Variants in SFXN4 observed in about 807,000 individuals in gnomAD.
The protein encoded by SFXN4 is sideroflexin 4, also known as sideroflexin-4.
SFXN4 carries 48 observed loss-of-function variants against 54.6 expected under a neutral mutation model. The observed-to-expected ratio is 0.88, with a 90% CI of 0.70 to 1.12. The LOEUF (loss-of-function observed/expected upper bound fraction) is 1.12. Ranked by LOEUF, SFXN4 falls within the 50% of genes most tolerant of loss-of-function variation. The pLI is 0.00. For missense variants in SFXN4, 383 were observed against 409.2 expected, an observed-to-expected ratio of 0.94 and a Z score of 0.55; for synonymous variants, 130 against 145.5, an observed-to-expected ratio of 0.89 and a Z score of 0.77.
intron 11 of SFXN4, among the ~76,000 whole-genome samples, chr10:119,153,883 A>C (rs1564820860): frequency 6.6e-6 from 1 of 152,158 alleles, no homozygotes; most frequent in Admixed American, 6.5e-5. Context: ...TCACTTTAAG[A>C]AAAGCAGGTT....
chr10:119,147,174 C>T (rs1188701469), intron 12 of SFXN4, among the ~76,000 whole-genome samples: 2 of 152,170 alleles, frequency 1.3e-5, no homozygotes, highest in South Asian at 2.1e-4. Flanking sequence ...GACAGGGAGG[C>T]GCGCCCAGCA....
In SFXN4 at chr10:119,163,438, C is replaced by T. The variant is rs189812377; in HGVS notation, c.177+693G>A. Among the ~76,000 whole-genome samples the T allele has an allele frequency of 2.2e-4, 33 of 152,200 alleles. 2 individuals are homozygous for T. The East Asian group carries it at 5.2e-3, about 24-fold the overall frequency. ...GAAGGGGATGGAGTTTCGCTCGTCA[C>T]GCAGGCTGGAGTGCAGTGGCAAGAT... On this transcript the variant is annotated intron_variant, in intron 2 of 13. Coordinates refer to ENST00000355697, the MANE Select transcript of SFXN4 (RefSeq NM_213649.2).
chr10:119,153,018 ATAT>A (rs1156359149), intron 11 of SFXN4, among the ~76,000 whole-genome samples: 1 of 152,176 alleles, frequency 6.6e-6, no homozygotes, highest in Non-Finnish European at 1.5e-5. Context: ...TGCTAAAAAC[ATAT>A]TATTTTAAAA....
chr10:119,156,710 C>A lies in SFXN4; in HGVS notation c.584G>T (p.Trp195Leu). The change falls in exon 10 of 14, where the codon TGG becomes TTG. Residue 195 changes from tryptophan (W) to leucine (L), a missense_variant. Coordinates refer to ENST00000355697, the MANE Select transcript of SFXN4 (RefSeq NM_213649.2). ...VQMKYGLTGP[W>L]IKRLLPVIFL... ...GATCACAGGTAAGAGTCTTTTAATC[C>A]AAGGGCCAGTCAGGCCATACTTCAT... 6.2e-7 allele frequency: 1 copy of A among 1,611,600 alleles called. No individual in the cohort carries two copies. Among genetic ancestry groups the A allele is most frequent in the Non-Finnish European group, 8.5e-7 (1 of 1,178,822 alleles).
chr10:119,162,383 C>T lies in SFXN4; in HGVS notation c.209G>A (p.Cys70Tyr), dbSNP rs1360330518. The change falls in exon 3 of 14, where the codon TGC becomes TAC. Residue 70 changes from cysteine to tyrosine, a missense_variant. Cys to Tyr is a radical substitution (Grantham distance 194, BLOSUM62 -2). Coordinates refer to ENST00000355697, the MANE Select transcript of SFXN4 (RefSeq NM_213649.2). ...AGGGCTGGAAACATCTTCATTTGTGCACAATAGTTGCCTCGAGTTTTCTAT... is the reference window on the plus strand; with the variant it reads ...AGGGCTGGAAACATCTTCATTTGTGTACAATAGTTGCCTCGAGTTTTCTAT... ...ESIENSRQLL[C>Y]TNEDVSSPAS... 9.3e-6 allele frequency: 15 copies of T among 1,614,016 alleles called. No homozygotes were observed. In the Admixed American group the frequency reaches 2.0e-4, roughly 22 times the overall value.
At chr10:119,155,840 C>A (rs1847260040) in intron 10 of SFXN4, among the ~76,000 whole-genome samples, 1 of 152,162 alleles carries the variant, frequency 6.6e-6, no homozygotes, top group Non-Finnish European at 1.5e-5. Context: ...TCACCACTGA[C>A]ATCAGTCTGC....
intron 5 of SFXN4, 31 bp downstream of exon 5, chr10:119,160,884 A>T (rs953215124): frequency 1.2e-6 from 2 of 1,612,040 alleles, no homozygotes; most frequent in Non-Finnish European, 1.7e-6. Flanking sequence ...ACATCTTCCC[A>T]ACCCACTTCT....
chr10:119,159,314 C>T (rs1036812901), intron 6 of SFXN4, among the ~76,000 whole-genome samples: 1 of 152,012 alleles, frequency 6.6e-6, no homozygotes, highest in Non-Finnish European at 1.5e-5. Flanking sequence ...CCAAAAAGCA[C>T]CTCCCAAGGG....
chr10:119,165,507 G>GC (rs1183611145), intron 1 of SFXN4, 30 bp downstream of exon 1: 3 of 1,545,294 alleles, frequency 1.9e-6, no homozygotes, highest in Non-Finnish European at 2.6e-6. Context: ...CCCCCTCCCT[G>GC]CCCCTAGTCG....
chr10:119,156,959 A>G (rs903496530), intron 9 of SFXN4, among the ~76,000 whole-genome samples: 1 of 152,084 alleles, frequency 6.6e-6, no homozygotes, highest in Non-Finnish European at 1.5e-5. Flanking sequence ...AGAGAGAGGT[A>G]TGGAAGCTGT....
chr10:119,162,257 A>T, intron 3 of SFXN4, 83 bp downstream of exon 3: 1 of 1,093,132 alleles, frequency 9.1e-7, no homozygotes, highest in Non-Finnish European at 1.4e-6. Flanking sequence ...ACAGAGATTA[A>T]TGGCCAAATT....
At chr10:119,142,135 G>A (rs1306541671) in intron 13 of SFXN4, among the ~76,000 whole-genome samples, 2 of 152,132 alleles carry the variant, frequency 1.3e-5, no homozygotes, top group Non-Finnish European at 2.9e-5. Flanking sequence ...TGGGAGTCAA[G>A]GCTGCAGTAA....
intron 11 of SFXN4, among the ~76,000 whole-genome samples, chr10:119,154,561 G>T (rs1351771455): frequency 6.6e-6 from 1 of 152,186 alleles, no homozygotes; most frequent in Non-Finnish European, 1.5e-5. Context: ...GCCAGGCATG[G>T]TGGCTCATGC....
chr10:119,153,902 G>T (rs957228098), intron 11 of SFXN4, among the ~76,000 whole-genome samples: 2 of 152,198 alleles, frequency 1.3e-5, no homozygotes, highest in Non-Finnish European at 2.9e-5. Flanking sequence ...TTACCACCAG[G>T]CGCGGTGGCT....
In SFXN4 at chr10:119,155,084, T is replaced by C; in HGVS notation, c.710A>G (p.His237Arg). ...VMDKEGNVLG[H>R]SRIAGTKAVR... ...TACCTTTGTCCCAGCAATTCTGGAATGACCCAGGACATTGCCTTCCTTGTC... is the reference window on the plus strand; with the variant it reads ...TACCTTTGTCCCAGCAATTCTGGAACGACCCAGGACATTGCCTTCCTTGTC... The change falls in exon 11 of 14, where the codon CAT becomes CGT. Residue 237 changes from histidine to arginine, a missense_variant. Coordinates refer to ENST00000355697, the MANE Select transcript of SFXN4 (RefSeq NM_213649.2). 6.2e-7 allele frequency: 1 copy of C among 1,613,900 alleles called. No individual in the cohort carries two copies. Among genetic ancestry groups the C allele is most frequent in the Non-Finnish European group, 8.5e-7 (1 of 1,179,750 alleles).
At chr10:119,148,104 G>A (rs775905864) in intron 11 of SFXN4, among the ~76,000 whole-genome samples, 2 of 151,996 alleles carry the variant, frequency 1.3e-5, no homozygotes, top group East Asian at 3.9e-4. Context: ...CCTGAGAGGC[G>A]GATTTTGCAG....
chr10:119,157,422 CTG>C, intron 9 of SFXN4, among the ~76,000 whole-genome samples: 1 of 122,334 alleles, frequency 8.2e-6, no homozygotes, highest in East Asian at 2.3e-4. Flanking sequence ...CAGAGCAAGA[CTG>C]TGTCTCAAAA....
intron 6 of SFXN4, among the ~76,000 whole-genome samples, chr10:119,158,781 G>A (rs191196271): frequency 3.4e-4 from 51 of 152,196 alleles, no homozygotes; most frequent in African/African-American, 1.1e-3. Context: ...CCAGGAGTTC[G>A]ACACCAGCCT....
chr10:119,147,053 T>C (rs1179237112), intron 12 of SFXN4, among the ~76,000 whole-genome samples: 1 of 152,170 alleles, frequency 6.6e-6, no homozygotes, highest in Non-Finnish European at 1.5e-5. Context: ...GTGTTCCACC[T>C]CTGATCAGGA....
Sources: gnomAD v4.1 joint callset for allele counts (sites outside exome capture counted in the v4.1 genomes callset) on GRCh38, gnomAD v4.1.1 for gene constraint, MANE v1.5 for transcripts, NCBI Gene and HGNC (gene_info 2026-07-23, HGNC 2026-07-21) for gene names.